Variants in FSIP2 observed in about 807,000 individuals in gnomAD.
FSIP2 encodes fibrous sheath-interacting protein 2.
FSIP2 carries 367 observed loss-of-function variants against 510.5 expected under a neutral mutation model. The ratio of observed to expected loss-of-function variants is 0.72; its 90% CI spans 0.66 to 0.78. FSIP2 has a LOEUF of 0.78. Ranked by LOEUF, FSIP2 falls within the 30% of genes least tolerant of loss-of-function variation. FSIP2 has a pLI of 0.00. For missense variants in FSIP2, 7,594 were observed against 7,901.7 expected (o/e 0.96, Z 1.48); for synonymous variants, 2,601 against 2,732.2 (o/e 0.95, Z 1.50).
rs565791641 is a variant in FSIP2 at position 185,800,272 on chromosome 2, G to A, written c.10966G>A (p.Asp3656Asn). The A allele has an allele frequency of 2.4e-5, 37 of 1,534,026 alleles. No individual in the cohort carries two copies. In the South Asian group the frequency reaches 3.5e-4, roughly 14 times the overall value. Residue 3656 changes from aspartate to asparagine, a missense_variant, in exon 17 of 23, where the codon GAC (aspartate) becomes AAC (asparagine). Physicochemically the swap from Asp to Asn is conservative, Grantham distance 23. Transcript: ENST00000424728. ...NKINRQASPR[D>N]WQFSTQQIGQ... is the part of the protein sequence containing the mutation. ...AATCAATAGACAGGCAAGCCCCAGA[G>A]ACTGGCAATTTTCTACTCAACAAAT...
chr2:185,790,754 C>A lies in FSIP2; in HGVS notation c.3618C>A (p.Asp1206Glu). ...ATCAGATTTCCTTACATAATTCTGA[C>A]ACTGAACACATAGTCAAAGAAGCAC... ...SVHQISLHNS[D>E]TEHIVKEAPN... is the part of the protein sequence containing the mutation. The change falls in exon 16 of 23, where the codon GAC (aspartate) becomes GAA (glutamate). Residue 1206 changes from aspartate (D) to glutamate (E), a missense_variant. By Grantham distance (45) the Asp-to-Glu change is conservative (BLOSUM62 2). Transcript: ENST00000424728. 6.5e-7 allele frequency: 1 copy of A among 1,532,260 alleles called. No individual in the cohort carries two copies. The highest frequency in any genetic ancestry group is 8.7e-7 in the Non-Finnish European group (1 of 1,144,200). The allele number at this position is 1,532,260 out of a possible 1,614,324, so 94.9% of individuals were successfully genotyped here.
At chr2:185,823,948 T>C (rs1368069786) in intron 19 of FSIP2, among the ~76,000 whole-genome samples, 1 of 151,814 alleles carries the variant, frequency 6.6e-6, no homozygotes, top group Non-Finnish European at 1.5e-5. Context: ...GTATGAACTT[T>C]GAAAGATGTT....
In FSIP2 at chr2:185,803,458, G is replaced by T; in HGVS notation, c.14152G>T (p.Asp4718Tyr). ...TGAAATGGAAGTCGTGCCCAATAAA[G>T]ATTTTCTAAATGACACAAAGACATT... Reference protein sequence around the residue: ...EYEMEVVPNKDFLNDTKTLAA... With the variant: ...EYEMEVVPNKYFLNDTKTLAA... The change falls in exon 17 of 23, where the codon GAT becomes TAT. Residue 4718 changes from aspartate to tyrosine, a missense_variant. Coordinates refer to ENST00000424728, the MANE Select transcript of FSIP2 (RefSeq NM_173651.4). The T allele has an allele frequency of 1.3e-6, 2 of 1,529,050 alleles. No homozygotes were observed. The highest frequency in any genetic ancestry group is 2.4e-5 in the South Asian group (2 of 83,010). The allele number at this position is 1,529,050 out of a possible 1,614,324, so 94.7% of individuals were successfully genotyped here. A position where few individuals can be genotyped will look rare whatever the true frequency, so the allele number is the denominator to read the frequency against.
At position 185,794,656 on chromosome 2, in the gene FSIP2, C is replaced by T. The variant is rs568816918; in HGVS notation, c.7520C>T (p.Pro2507Leu). 111 of 1,532,858 alleles carry T rather than the reference C, an allele frequency of 7.2e-5. 1 individual carries two copies. In the African/African-American group the frequency reaches 1.4e-3, roughly 20 times the overall value. 95.0% of individuals were successfully genotyped at this position (1,532,858 alleles called of 1,614,324 possible). A position where few individuals can be genotyped will look rare whatever the true frequency, so the allele number is the denominator to read the frequency against. Residue 2507 changes from proline to leucine, a missense_variant, in exon 16 of 23, where the codon CCA becomes CTA. Coordinates refer to ENST00000424728, the MANE Select transcript of FSIP2 (RefSeq NM_173651.4). Reference sequence around the variant, plus strand: ...AGGGAAGTCACAGGCCATTTGCCTCCACTTAATGAAACTGCCAACTTTATA... The same window carrying T: ...AGGGAAGTCACAGGCCATTTGCCTCTACTTAATGAAACTGCCAACTTTATA... The part of the protein sequence containing the change: ...RVREVTGHLP[P>L]LNETANFISN...
chr2:185,738,690 G>T (rs1204825705), upstream of FSIP2: 1 of 1,536,096 alleles, frequency 6.5e-7, no homozygotes, highest in African/African-American at 1.4e-5. Flanking sequence ...CAGCTCTGCG[G>T]GCGCTCTACG....
In FSIP2 at chr2:185,795,973, C is replaced by A; in HGVS notation, c.8837C>A (p.Ser2946Ter). The A allele has an allele frequency of 6.5e-7, 1 of 1,534,738 alleles. No individual in the cohort carries two copies. The highest frequency in any genetic ancestry group is 1.2e-5 in the South Asian group (1 of 83,964). ...IPTPDSEETL[S>*]NSKEHITAKS... Reference sequence around the variant, plus strand: ...ACTCCAGATAGTGAAGAAACTCTATCAAACAGTAAAGAACACATTACTGCT... The same window carrying A: ...ACTCCAGATAGTGAAGAAACTCTATAAAACAGTAAAGAACACATTACTGCT... Residue 2946 changes from serine (S) to a stop codon, truncating the protein, a stop_gained, in exon 16 of 23, where the codon TCA (serine) becomes TAA (stop). Transcript: ENST00000424728. LOFTEE classifies it high-confidence loss of function.
chr2:185,817,292 C>T (rs953347868), intron 19 of FSIP2, among the ~76,000 whole-genome samples: 3 of 151,960 alleles, frequency 2.0e-5, no homozygotes, highest in Admixed American at 6.6e-5. Flanking sequence ...GGTTCTAAGC[C>T]TGGAAACCAC....
intron 15 of FSIP2, 148 bp downstream of exon 15, chr2:185,786,436 T>A: frequency 1.7e-6 from 1 of 599,304 alleles, no homozygotes; most frequent in Non-Finnish European, 2.9e-6. Context: ...TTCATTGAAG[T>A]CTACTTTCAG....
In FSIP2 at chr2:185,788,866, A is replaced by C. The variant is rs1437851371; in HGVS notation, c.1730A>C (p.Lys577Thr). 1 of 1,534,820 alleles carries C rather than the reference A, an allele frequency of 6.5e-7. No homozygotes were observed. The highest frequency in any genetic ancestry group is 2.0e-5 in the Admixed American group (1 of 50,874). Residue 577 changes from lysine to threonine, a missense_variant, in exon 16 of 23, where the codon AAA (lysine) becomes ACA (threonine). Coordinates refer to ENST00000424728, the MANE Select transcript of FSIP2 (RefSeq NM_173651.4). The stretch of plus-strand genomic sequence containing the variant: ...AGAAGCTACACATCTGCAACAACTA[A>C]AACATTTCAGGCAGAACCCTGTGCA... The part of the protein sequence containing the change: ...TYRSYTSATT[K>T]TFQAEPCAFV...
intron 7 of FSIP2, among the ~76,000 whole-genome samples, chr2:185,752,110 G>A (rs1692160403): frequency 6.7e-6 from 1 of 150,294 alleles, no homozygotes; most frequent in Non-Finnish European, 1.5e-5. Flanking sequence ...ATTGCTCCTA[G>A]TACAACTTAC....
At chr2:185,821,009 T>TAAAAAAAAAAAAAA (rs59331328) in intron 19 of FSIP2, among the ~76,000 whole-genome samples, 1 of 74,960 alleles carries the variant, frequency 1.3e-5, no homozygotes, top group African/African-American at 4.9e-5. Flanking sequence ...GTTGGTTCGT[T>TAAAAAAAAAAAAAA]AAAAAAAAAA....
In FSIP2 at chr2:185,792,287, TC is replaced by T. The variant is rs1209571419; in HGVS notation, c.5153del (p.Pro1718LeufsTer10). 6.5e-7 allele frequency: 1 copy of T among 1,532,040 alleles called. No homozygotes were observed. The highest frequency in any genetic ancestry group is 8.7e-7 in the Non-Finnish European group (1 of 1,144,898). The allele number at this position is 1,532,040 out of a possible 1,614,324, so 94.9% of individuals were successfully genotyped here. ...YRYRPTYGSL[P>X]GGAESDSFLE... is the part of the protein sequence containing the mutation. ...GATACAGGCCAACATATGGAAGTCT[TC>T]CTGGAGGAGCTGAATCAGATTCATT... On this transcript the variant is annotated frameshift_variant, in exon 16 of 23. Coordinates refer to ENST00000424728, the MANE Select transcript of FSIP2 (RefSeq NM_173651.4). LOFTEE classifies it high-confidence loss of function.
chr2:185,806,409 G>A lies in FSIP2; in HGVS notation c.17103G>A (p.Ser5701=), dbSNP rs267599115. Residue 5701 remains serine (S), a synonymous_variant, in exon 17 of 23, where the codon TCG becomes TCA. Coordinates refer to ENST00000424728, the MANE Select transcript of FSIP2 (RefSeq NM_173651.4). ...LSSSPEPAYY[S]KLSYDQSPPG... Reference sequence around the variant, plus strand: ...CTTCTCCAGAACCAGCATATTATTCGAAACTCAGTTATGACCAAAGCCCCC... The same window carrying A: ...CTTCTCCAGAACCAGCATATTATTCAAAACTCAGTTATGACCAAAGCCCCC... 1.7e-5 allele frequency: 27 copies of A among 1,611,704 alleles called. No individual in the cohort carries two copies. Among genetic ancestry groups the A allele is most frequent in the Middle Eastern group, 1.6e-4 (1 of 6,068 alleles).
At chr2:185,763,119 A>T in intron 11 of FSIP2, 64 bp from the exon 12 acceptor site, 1 of 741,554 alleles carries the variant, frequency 1.3e-6, no homozygotes, top group Non-Finnish European at 2.3e-6. Flanking sequence ...GCTGTAAATT[A>T]ATATTAACCC....
Position 185,792,024 on chromosome 2 carries a change from A to C in FSIP2, c.4888A>C (p.Thr1630Pro). Reference protein sequence around the residue: ...EYESTNISRDTHEASFLSALY... With the variant: ...EYESTNISRDPHEASFLSALY... The stretch of plus-strand genomic sequence containing the variant: ...TGAAAGCACCAATATTTCCAGAGAC[A>C]CACATGAAGCATCATTTCTGTCTGC... The change falls in exon 16 of 23, where the codon ACA (threonine) becomes CCA (proline). Residue 1630 changes from threonine (T) to proline (P), a missense_variant. Transcript: ENST00000424728. 1 of 1,534,084 alleles carries C rather than the reference A, an allele frequency of 6.5e-7. No individual in the cohort carries two copies. The highest frequency in any genetic ancestry group is 8.7e-7 in the Non-Finnish European group (1 of 1,145,428).
Position 185,813,548 on chromosome 2 carries a change from G to A in FSIP2, c.19831G>A (p.Val6611Ile), listed in dbSNP as rs375523085. 4.8e-5 allele frequency: 72 copies of A among 1,514,638 alleles called. 1 individual carries two copies. The highest frequency in any genetic ancestry group is 2.4e-4 in the Admixed American group (10 of 42,550). The allele number at this position is 1,514,638 out of a possible 1,614,324, so 93.8% of individuals were successfully genotyped here. ...GRLDVKPLEAVARNSFQNIRK... is the reference protein window; with the variant it reads ...GRLDVKPLEAIARNSFQNIRK... ...TTTGCTATACCTTTAATTTCAGGCC[G>A]TTGCTAGAAATTCATTTCAGAATAT... The change falls in exon 18 of 23, where the codon GTT (valine) becomes ATT (isoleucine). Residue 6611 changes from valine (V) to isoleucine (I), a missense_variant. Coordinates refer to ENST00000424728, the MANE Select transcript of FSIP2 (RefSeq NM_173651.4).
chr2:185,797,134 T>C lies in FSIP2; in HGVS notation c.9998T>C (p.Ile3333Thr), dbSNP rs1317566483. The C allele has an allele frequency of 2.0e-6, 3 of 1,534,892 alleles. No homozygotes were observed. The African/African-American group carries it at 4.1e-5, about 21-fold the overall frequency. The change falls in exon 16 of 23, where the codon ATT becomes ACT. Residue 3333 changes from isoleucine to threonine, a missense_variant. Transcript: ENST00000424728. ...PLKICLAAENIVNTVLSSCGF... is the reference protein window; with the variant it reads ...PLKICLAAENTVNTVLSSCGF... Reference sequence around the variant, plus strand: ...AAAATATGTTTAGCTGCAGAAAATATTGTCAATACTGTGCTATCCAGCTGT... The same window carrying C: ...AAAATATGTTTAGCTGCAGAAAATACTGTCAATACTGTGCTATCCAGCTGT...
In FSIP2 at chr2:185,791,610, C is replaced by T; in HGVS notation, c.4474C>T (p.Leu1492Phe). The T allele has an allele frequency of 2.6e-6, 4 of 1,534,130 alleles. No homozygotes were observed. The highest frequency in any genetic ancestry group is 3.5e-6 in the Non-Finnish European group (4 of 1,145,536). ...LISKAILDYI[L>F]AKLCGVDMDT... Reference sequence around the variant, plus strand: ...TTCTAAAGCAATTTTGGATTATATCCTTGCAAAATTATGTGGTGTTGACAT... The same window carrying T: ...TTCTAAAGCAATTTTGGATTATATCTTTGCAAAATTATGTGGTGTTGACAT... The change falls in exon 16 of 23, where the codon CTT becomes TTT. Residue 1492 changes from leucine to phenylalanine, a missense_variant. Leu to Phe is a conservative substitution (Grantham distance 22). Transcript: ENST00000424728.
At position 185,790,527 on chromosome 2, in the gene FSIP2, A is replaced by G. The variant is rs960157084; in HGVS notation, c.3391A>G (p.Ser1131Gly). 3 of 1,534,196 alleles carry G rather than the reference A, an allele frequency of 2.0e-6. No individual in the cohort carries two copies. Among genetic ancestry groups the G allele is most frequent in the East Asian group, 4.9e-5 (2 of 40,840 alleles). Reference protein sequence around the residue: ...ISSVPFGHLDSKTGSEASVLV... With the variant: ...ISSVPFGHLDGKTGSEASVLV... ...TTCCGTTCCTTTTGGTCACTTAGAC[A>G]GCAAAACTGGCAGTGAAGCTTCAGT... The change falls in exon 16 of 23, where the codon AGC (serine) becomes GGC (glycine). Residue 1131 changes from serine (S) to glycine (G), a missense_variant. By Grantham distance (56) the Ser-to-Gly change is moderately conservative. Transcript: ENST00000424728.
Sources: gnomAD v4.1 joint callset for allele counts (sites outside exome capture counted in the v4.1 genomes callset) on GRCh38, gnomAD v4.1.1 for gene constraint, MANE v1.5 for transcripts, NCBI Gene and HGNC (gene_info 2026-07-23, HGNC 2026-07-21) for gene names.